TLN2: variants seen among roughly 807,000 people sequenced by gnomAD.
TLN2 encodes talin 2.
TLN2 carries 118 observed loss-of-function variants against 294.7 expected under a neutral mutation model. That is an observed-to-expected ratio of 0.40 (90% CI 0.34 to 0.47). The LOEUF is 0.47. TLN2 is among the 20% of genes least tolerant of loss of function. The pLI, the probability that TLN2 is intolerant of heterozygous loss-of-function variation, is 0.84. For missense variants in TLN2, 3,083 were observed against 3,282.2 expected, an observed-to-expected ratio of 0.94 and a Z score of 1.48; for synonymous variants, 1,431 against 1,304.5, an observed-to-expected ratio of 1.10 and a Z score of -2.09.
chr15:62,403,811 G>A (rs2033199834), intron 1 of TLN2, among the ~76,000 whole-genome samples: 3 of 152,252 alleles, frequency 2.0e-5, no homozygotes, highest in Non-Finnish European at 2.9e-5. Flanking sequence ...CCTCTTATGA[G>A]GTCACGCCGG....
chr15:62,656,210 C>T (rs914632284), intron 8 of TLN2, 124 bp downstream of exon 8: 21 of 1,249,084 alleles, frequency 1.7e-5, no homozygotes, highest in Admixed American at 1.4e-4. Flanking sequence ...TTCCAGCAGG[C>T]GCTGCTCGTG....
chr15:62,535,804 C>T (rs1431879032), intron 1 of TLN2, among the ~76,000 whole-genome samples: 2 of 152,146 alleles, frequency 1.3e-5, no homozygotes, highest in Admixed American at 1.3e-4. Context: ...CTGCCCGCCT[C>T]AGCCTCCCAA....
chr15:62,487,617 G>C (rs1311943524), intron 1 of TLN2, among the ~76,000 whole-genome samples: 2 of 152,094 alleles, frequency 1.3e-5, no homozygotes, highest in African/African-American at 4.8e-5. Context: ...AAGCTCACTT[G>C]AGCCCAGGAG....
rs375555822 is a variant in TLN2 at position 62,792,834 on chromosome 15, C to T, written c.5883+47C>T. ...AGAGTCACAAGAACCTGCGCTGGCT[C>T]TCAGTGATCCGCTGTAATCAAGGAC... On this transcript the variant is annotated intron_variant, in intron 46 of 58. Coordinates refer to ENST00000636159, the MANE Select transcript of TLN2 (RefSeq NM_015059.3). 23 of 1,605,736 alleles carry T rather than the reference C, an allele frequency of 1.4e-5. No individual in the cohort carries two copies. In the South Asian group the frequency reaches 1.5e-4, roughly 10 times the overall value.
chr15:62,725,296 C>T (rs912731319), intron 27 of TLN2, among the ~76,000 whole-genome samples, 192 bp downstream of exon 27: 7 of 152,188 alleles, frequency 4.6e-5, no homozygotes, highest in African/African-American at 1.7e-4. Context: ...ATTCTACACT[C>T]AGCTGTATCA....
chr15:62,759,795 C>T (rs1367981469), intron 37 of TLN2, among the ~76,000 whole-genome samples: 1 of 152,160 alleles, frequency 6.6e-6, no homozygotes, highest in Non-Finnish European at 1.5e-5. Flanking sequence ...TCTTCCACTC[C>T]AAAGTCCACT....
intron 1 of TLN2, among the ~76,000 whole-genome samples, chr15:62,433,466 A>G (rs1436136254): frequency 6.6e-6 from 1 of 152,116 alleles, no homozygotes; most frequent in Non-Finnish European, 1.5e-5. Flanking sequence ...GCTGGGGCAT[A>G]CCACCTCTGT....
chr15:62,686,534 T>G, intron 11 of TLN2, 107 bp from the exon 12 acceptor site: 1 of 1,346,942 alleles, frequency 7.4e-7, no homozygotes, highest in South Asian at 1.5e-5. Context: ...CCCTACCTGT[T>G]TTGAAAGACA....
chr15:62,596,859 C>T (rs2046571621), intron 2 of TLN2, among the ~76,000 whole-genome samples: 1 of 152,156 alleles, frequency 6.6e-6, no homozygotes, highest in Non-Finnish European at 1.5e-5. Context: ...ATCTTGCCTT[C>T]CTTCACTTAT....
At chr15:62,442,430 G>A (rs995878125) in intron 1 of TLN2, among the ~76,000 whole-genome samples, 3 of 145,232 alleles carry the variant, frequency 2.1e-5, no homozygotes, top group Non-Finnish European at 4.5e-5. Context: ...GGAGGTGGAG[G>A]TTGCAGTGAG....
At chr15:62,832,655 G>C (rs1439133419) in intron 54 of TLN2, 1 of 152,226 alleles carries the variant, frequency 6.6e-6, no homozygotes, top group African/African-American at 2.4e-5. Context: ...CGTGCCTCGG[G>C]TGTCCAGAGG....
intron 20 of TLN2, among the ~76,000 whole-genome samples, chr15:62,707,799 G>A (rs1404938225): frequency 6.6e-6 from 1 of 152,100 alleles, no homozygotes; most frequent in Non-Finnish European, 1.5e-5. Flanking sequence ...GGCCACAGAA[G>A]TAGTAAGTGG....
At chr15:62,413,516 C>G (rs1466975371) in intron 1 of TLN2, among the ~76,000 whole-genome samples, 2 of 152,212 alleles carry the variant, frequency 1.3e-5, no homozygotes, top group East Asian at 3.8e-4. Context: ...CCGGCTGTTT[C>G]TCTTGGCTTG....
At chr15:62,464,222 A>G (rs1019014719) in intron 1 of TLN2, among the ~76,000 whole-genome samples, 1 of 152,190 alleles carries the variant, frequency 6.6e-6, no homozygotes, top group African/African-American at 2.4e-5. Flanking sequence ...GCACATATAC[A>G]CCATGGAATA....
At chr15:62,427,226 A>G (rs548882487) in intron 1 of TLN2, among the ~76,000 whole-genome samples, 43 of 152,070 alleles carry the variant, frequency 2.8e-4, no homozygotes, top group Non-Finnish European at 5.3e-4. Flanking sequence ...TCATCCACAA[A>G]CAGGATTTAT....
At chr15:62,713,271 CAAAAAA>C (rs541064329) in intron 22 of TLN2, among the ~76,000 whole-genome samples, 1 of 111,520 alleles carries the variant, frequency 9.0e-6, no homozygotes, top group Non-Finnish European at 1.7e-5. Context: ...ACCTGCGTCT[CAAAAAA>C]AAAAAAAAAA....
At chr15:62,632,873 A>G (rs1376135764) in intron 3 of TLN2, among the ~76,000 whole-genome samples, 1 of 152,224 alleles carries the variant, frequency 6.6e-6, no homozygotes, top group Non-Finnish European at 1.5e-5. Context: ...CTGACAAGGA[A>G]AAACACCATT....
At chr15:62,472,158 C>T (rs745625741) in intron 1 of TLN2, among the ~76,000 whole-genome samples, 10 of 152,168 alleles carry the variant, frequency 6.6e-5, no homozygotes, top group Non-Finnish European at 1.5e-5. Context: ...ATCTCCTCAC[C>T]CCACCACCTC....
intron 1 of TLN2, among the ~76,000 whole-genome samples, chr15:62,529,104 T>TGTG (rs1555423737): frequency 6.6e-6 from 1 of 151,478 alleles, no homozygotes; most frequent in East Asian, 1.9e-4. Context: ...CTTTTTTTTT[T>TGTG]TGTGTGTGTG....
Sources: gnomAD v4.1 joint callset for allele counts (sites outside exome capture counted in the v4.1 genomes callset) on GRCh38, gnomAD v4.1.1 for gene constraint, MANE v1.5 for transcripts, NCBI Gene and HGNC (gene_info 2026-07-23, HGNC 2026-07-21) for gene names.